The following PKHD1L1 variants were observed in gnomAD, a reference collection of about 807,000 sequenced individuals.
PKHD1L1 encodes PKHD1 like 1, also known as fibrocystin-L.
In PKHD1L1, 434 loss-of-function variants were observed where a neutral mutation model predicts 462.9. The observed-to-expected ratio is 0.94, with a 90% CI of 0.87 to 1.02. The LOEUF is 1.02. Among genes scored for constraint, PKHD1L1 ranks in the 50% least tolerant of loss-of-function variants. PKHD1L1 has a pLI of 0.00. For synonymous variants in PKHD1L1, 1,781 were observed against 1,750.0 expected (o/e 1.02, Z -0.44); for missense variants, 5,202 against 5,096.1 (o/e 1.02, Z -0.63).
chr8:109,406,404 CG>C lies in PKHD1L1; in HGVS notation c.1741del (p.Asp581ThrfsTer5). ...SALNDLWSIK[P>X]DTVQVIRTQN... Reference sequence around the variant, plus strand: ...TTGAATGACCTCTGGTCTATAAAACCGGACACAGTTCAAGTAATAAGAACAC... The same window carrying C: ...TTGAATGACCTCTGGTCTATAAAACCGACACAGTTCAAGTAATAAGAACAC... On this transcript the variant is annotated frameshift_variant, in exon 17 of 78. Coordinates refer to ENST00000378402, the MANE Select transcript of PKHD1L1 (RefSeq NM_177531.6). LOFTEE classifies it high-confidence loss of function. The C allele has an allele frequency of 3.2e-6, 5 of 1,583,236 alleles. No homozygotes were observed. The highest frequency in any genetic ancestry group is 4.3e-6 in the Non-Finnish European group (5 of 1,163,608).
chr8:109,523,055 T>C (rs1418091878), intron 75 of PKHD1L1, among the ~76,000 whole-genome samples, 165 bp downstream of exon 75: 2 of 152,194 alleles, frequency 1.3e-5, no homozygotes, highest in Non-Finnish European at 2.9e-5. Flanking sequence ...GTCTCAAAAA[T>C]GTTTATGTTA....
chr8:109,485,097 A>T lies in PKHD1L1; in HGVS notation c.9630A>T (p.Glu3210Asp). The T allele has an allele frequency of 6.2e-7, 1 of 1,604,404 alleles. No individual in the cohort carries two copies. The highest frequency in any genetic ancestry group is 8.5e-7 in the Non-Finnish European group (1 of 1,174,770). Residue 3210 changes from glutamate to aspartate, a missense_variant, in exon 58 of 78, where the codon GAA (glutamate) becomes GAT (aspartate). Physicochemically the swap from Glu to Asp is conservative, Grantham distance 45. Around this residue, in one of 3 missense-constraint regions of PKHD1L1, gnomAD observed 4,497 missense variants for 4,336.8 expected, o/e 1.04. Coordinates refer to ENST00000378402, the MANE Select transcript of PKHD1L1 (RefSeq NM_177531.6). Reference sequence around the variant, plus strand: ...CAAGCTACGATTTCCACCAGACAGAAACAAGAAGTATCGTTAAAATCCTGC... The same window carrying T: ...CAAGCTACGATTTCCACCAGACAGATACAAGAAGTATCGTTAAAATCCTGC... ...TTTSYDFHQT[E>D]TRSIVKILHD...
At chr8:109,409,816 T>A in intron 18 of PKHD1L1, 49 bp from the exon 19 acceptor site, 2 of 1,084,116 alleles carry the variant, frequency 1.8e-6, no homozygotes, top group South Asian at 3.1e-5. Flanking sequence ...TTACGAGTGT[T>A]CTAACTTTTC....
chr8:109,426,395 A>C (rs1279752603), intron 24 of PKHD1L1, among the ~76,000 whole-genome samples: 1 of 151,974 alleles, frequency 6.6e-6, no homozygotes, highest in Non-Finnish European at 1.5e-5. Flanking sequence ...TTGTGAATTG[A>C]TATTAAAAAT....
At chr8:109,449,276 T>C (rs1816345235) in intron 39 of PKHD1L1, 62 bp from the exon 40 acceptor site, 2 of 1,427,190 alleles carry the variant, frequency 1.4e-6, no homozygotes, top group Non-Finnish European at 1.9e-6. Context: ...GTAAAAAATA[T>C]GTACACAGAA....
At chr8:109,373,554 A>G (rs1051853043) in intron 2 of PKHD1L1, among the ~76,000 whole-genome samples, 5 of 151,998 alleles carry the variant, frequency 3.3e-5, no homozygotes, top group African/African-American at 1.2e-4. Flanking sequence ...TAGCTTTTGA[A>G]TGTGTTTGCT....
At chr8:109,417,727 T>A (rs1452797797) in intron 21 of PKHD1L1, among the ~76,000 whole-genome samples, 2 of 152,066 alleles carry the variant, frequency 1.3e-5, no homozygotes, top group African/African-American at 4.8e-5. Context: ...TTTTTTGTAT[T>A]TTTAGTTAGA....
chr8:109,493,321 C>T (rs1006224085), intron 62 of PKHD1L1, among the ~76,000 whole-genome samples: 5 of 150,954 alleles, frequency 3.3e-5, no homozygotes, highest in African/African-American at 1.2e-4. Flanking sequence ...TGTTAACATT[C>T]TCCTTACCTT....
At chr8:109,440,968 A>T (rs1815752648) in intron 33 of PKHD1L1, 116 bp downstream of exon 33, 2 of 1,275,642 alleles carry the variant, frequency 1.6e-6, no homozygotes, top group East Asian at 4.7e-5. Context: ...TTCTAGTAGC[A>T]TAAAAAAGGT....
intron 51 of PKHD1L1, among the ~76,000 whole-genome samples, chr8:109,476,116 A>G (rs1817974465): frequency 6.6e-6 from 1 of 151,924 alleles, no homozygotes; most frequent in Non-Finnish European, 1.5e-5. Context: ...GAAATAAAAT[A>G]TTGTCTACAA....
intron 45 of PKHD1L1, among the ~76,000 whole-genome samples, chr8:109,455,639 T>A (rs1816779384): frequency 1.3e-5 from 2 of 152,188 alleles, no homozygotes; most frequent in South Asian, 4.1e-4. Context: ...AGTTGTGGAT[T>A]TCTATAACTA....
intron 51 of PKHD1L1, among the ~76,000 whole-genome samples, chr8:109,475,917 T>C (rs919799437): frequency 1.6e-5 from 2 of 125,458 alleles, no homozygotes; most frequent in Non-Finnish European, 3.4e-5. Context: ...TACTTTCTAA[T>C]TTATAAAAAA....
At chr8:109,505,610 G>A (rs13263224) in intron 68 of PKHD1L1, among the ~76,000 whole-genome samples, 11 of 152,158 alleles carry the variant, frequency 7.2e-5, no homozygotes, top group African/African-American at 2.6e-4. Context: ...ATTTAAATAG[G>A]CATCTTAGCC....
intron 12 of PKHD1L1, 67 bp from the exon 13 acceptor site, chr8:109,400,009 A>C: frequency 6.8e-7 from 1 of 1,470,910 alleles, no homozygotes; most frequent in South Asian, 1.3e-5. Flanking sequence ...CAACATCCAA[A>C]TAGAAAGCCA....
chr8:109,377,563 G>A (rs1012155464), intron 2 of PKHD1L1, among the ~76,000 whole-genome samples: 3 of 152,070 alleles, frequency 2.0e-5, no homozygotes, highest in African/African-American at 7.2e-5. Flanking sequence ...CTGTGATAGA[G>A]AAAAATAATA....
chr8:109,446,793 T>C (rs965286818), intron 38 of PKHD1L1, among the ~76,000 whole-genome samples: 1 of 152,138 alleles, frequency 6.6e-6, no homozygotes, highest in Non-Finnish European at 1.5e-5. Context: ...CTTGCAGACA[T>C]GTGAGAACTG....
rs750179854 is a variant in PKHD1L1, at chr8:109,382,574, A to C, written c.417+3A>C. On this transcript the variant is annotated splice_donor_region_variant and intron_variant, in intron 4 of 77. Transcript: ENST00000378402. ...ACAGCTGGGAATGTACCTTCAACGT[A>C]TGTAGGAATCTTCTCTTCAGTTTAT... 1 of 1,603,196 alleles carries C rather than the reference A, an allele frequency of 6.2e-7. No homozygotes were observed. Among genetic ancestry groups the C allele is most frequent in the Non-Finnish European group, 8.5e-7 (1 of 1,173,740 alleles).
rs776923698 is a variant in PKHD1L1, at chr8:109,445,466, G to A, written c.5597G>A (p.Gly1866Glu). ...CCAGGCAACACTACAGTCACTATTG[G>A]GGATGAACCTTGTCAAATTATTTCC... Reference protein sequence around the residue: ...FYPGNTTVTIGDEPCQIISIN... With the variant: ...FYPGNTTVTIEDEPCQIISIN... Residue 1866 changes from glycine (G) to glutamate (E), a missense_variant, in exon 38 of 78, where the codon GGG becomes GAG. By Grantham distance (98) the Gly-to-Glu change is moderately conservative. Coordinates refer to ENST00000378402, the MANE Select transcript of PKHD1L1 (RefSeq NM_177531.6). The A allele has an allele frequency of 6.2e-7, 1 of 1,613,798 alleles. No homozygotes were observed. The highest frequency in any genetic ancestry group is 8.5e-7 in the Non-Finnish European group (1 of 1,179,852).
rs1814669014 is a variant in PKHD1L1, at chr8:109,425,099, G to A, written c.2712G>A (p.Glu904=). The change falls in exon 24 of 78, where the codon GAG becomes GAA. Residue 904 remains glutamate, a synonymous_variant. Transcript: ENST00000378402. ...TTGGAAATTAGATAATCACACATGA[G>A]ACAGAGAACGAGTTTGTCTACAGAG... ...AVSFGQIITH[E]TENEFVYRGN... 2 of 1,585,300 alleles carry A rather than the reference G, an allele frequency of 1.3e-6. No homozygotes were observed. Among genetic ancestry groups the A allele is most frequent in the Non-Finnish European group, 8.6e-7 (1 of 1,169,250 alleles).
Sources: gnomAD v4.1 joint callset for allele counts (sites outside exome capture counted in the v4.1 genomes callset) on GRCh38, gnomAD v4.1.1 for gene constraint, gnomAD v4.1.1 regional missense constraint, MANE v1.5 for transcripts, NCBI Gene and HGNC (gene_info 2026-07-23, HGNC 2026-07-21) for gene names.